RORA: variants seen among roughly 807,000 people sequenced by gnomAD.
The protein encoded by RORA is nuclear receptor ROR-alpha.
In RORA, 7 loss-of-function variants were observed where a neutral mutation model predicts 69.5. The observed-to-expected ratio is 0.10, with a 90% CI of 0.06 to 0.19. The LOEUF (loss-of-function observed/expected upper bound fraction) is 0.19, where lower values mean the gene tolerates loss of function less well. Among genes scored for constraint, RORA ranks in the 10% least tolerant of loss-of-function variants. The probability of loss-of-function intolerance (pLI) is 1.00; values close to 1 mark genes in which losing one functional copy is unlikely to be tolerated. For missense variants in RORA, 457 were observed against 663.0 expected (o/e 0.69, Z 3.41); for synonymous variants, 261 against 240.8 (o/e 1.08, Z -0.78).
intron 2 of RORA, among the ~76,000 whole-genome samples, chr15:60,570,993 G>A (rs2067863385): frequency 1.3e-5 from 2 of 152,136 alleles, no homozygotes. Flanking sequence ...TCTGTATCCT[G>A]CCTTGTATGC....
At chr15:60,915,622 T>G (rs1253191806) in intron 1 of RORA, among the ~76,000 whole-genome samples, 1 of 152,260 alleles carries the variant, frequency 6.6e-6, no homozygotes, top group East Asian at 1.9e-4. Flanking sequence ...AGAACTGAAT[T>G]CTTAATTTTA....
At chr15:60,730,612 A>G (rs2071417367) in intron 1 of RORA, among the ~76,000 whole-genome samples, 1 of 152,200 alleles carries the variant, frequency 6.6e-6, no homozygotes, top group South Asian at 2.1e-4. Flanking sequence ...TGTGCTTTAA[A>G]TATATGCTTA....
intron 1 of RORA, among the ~76,000 whole-genome samples, chr15:60,683,624 C>A (rs1306379476): frequency 7.0e-6 from 1 of 141,908 alleles, no homozygotes; most frequent in Non-Finnish European, 1.5e-5. Context: ...TGTAAGACTC[C>A]TTCTATTTTA....
Position 60,531,793 on chromosome 15 carries a change from A to G in RORA, c.255T>C (p.Tyr85=), listed in dbSNP as rs777876773. The part of the protein sequence containing the change: ...ICGDKSSGIH[Y]GVITCEGCKG... ...TGCAGCCTTCACATGTAATGACACC[A>G]TAATGGATTCCTGATGATTTGTCTC... Residue 85 remains tyrosine, a synonymous_variant, in exon 3 of 11, where the codon TAT becomes TAC. Coordinates refer to ENST00000335670, the MANE Select transcript of RORA (RefSeq NM_134261.3). This position sits in a 1 kb window ranked among gnomAD's most constrained non-coding sequence, Gnocchi z 4.8. 6.3e-7 allele frequency: 1 copy of G among 1,594,068 alleles called. No homozygotes were observed. Among genetic ancestry groups the G allele is most frequent in the Non-Finnish European group, 8.5e-7 (1 of 1,171,488 alleles).
At chr15:60,749,632 C>G (rs1330701818) in intron 1 of RORA, among the ~76,000 whole-genome samples, 1 of 152,184 alleles carries the variant, frequency 6.6e-6, no homozygotes, top group Non-Finnish European at 1.5e-5. Flanking sequence ...CACACTTAGA[C>G]ACTGTCTCCT....
chr15:61,029,175 G>A (rs577965821), intron 1 of RORA, among the ~76,000 whole-genome samples: 2 of 152,038 alleles, frequency 1.3e-5, no homozygotes, highest in South Asian at 4.2e-4. Context: ...ACACCAACCC[G>A]AACCAGATGG....
chr15:60,660,446 TTG>T (rs1453880865), intron 2 of RORA, among the ~76,000 whole-genome samples: 3 of 152,212 alleles, frequency 2.0e-5, no homozygotes, highest in Admixed American at 1.3e-4. Context: ...AGCTTTTATT[TTG>T]CCCATATAAA....
At chr15:60,568,405 C>G (rs948231277) in intron 2 of RORA, among the ~76,000 whole-genome samples, 1 of 152,218 alleles carries the variant, frequency 6.6e-6, no homozygotes, top group African/African-American at 2.4e-5. Flanking sequence ...TTTCTCTGCT[C>G]TCTACTGCTG....
At position 60,495,111 on chromosome 15, in the gene RORA, A is replaced by C. The variant is rs2065134678; in HGVS notation, c.*2344T>G. The C allele has an allele frequency of 6.6e-6, 1 of 152,200 alleles. No individual in the cohort carries two copies. The highest frequency in any genetic ancestry group is 1.9e-4 in the East Asian group (1 of 5,196). The allele number at this position is 152,200 out of a possible 1,614,324, so 9.4% of individuals were successfully genotyped here. ...AAACAAAACAAAACCAAAACCAAAA[A>C]ACTAAAACACAAAACTCAAACAAAA... On this transcript the variant is annotated 3_prime_UTR_variant, in exon 11 of 11. Transcript: ENST00000335670.
intron 1 of RORA, among the ~76,000 whole-genome samples, chr15:60,793,508 T>G (rs1361695899): frequency 6.6e-6 from 1 of 151,682 alleles, no homozygotes; most frequent in Non-Finnish European, 1.5e-5. Context: ...CAGATTCCCT[T>G]TCACATTTTC....
At chr15:61,186,536 G>A (rs918662273) in intron 1 of RORA, among the ~76,000 whole-genome samples, 2 of 149,650 alleles carry the variant, frequency 1.3e-5, no homozygotes, top group Non-Finnish European at 3.0e-5. Context: ...AGCTACTCAG[G>A]ATGTTGAGGC....
intron 1 of RORA, among the ~76,000 whole-genome samples, chr15:60,793,211 G>T (rs1238626336): frequency 2.6e-5 from 4 of 152,196 alleles, no homozygotes; most frequent in Non-Finnish European, 4.4e-5. Context: ...CTAAACTGGT[G>T]CAGTATGTTA....
chr15:60,835,854 T>A (rs1490543774), intron 1 of RORA, among the ~76,000 whole-genome samples: 1 of 152,246 alleles, frequency 6.6e-6, no homozygotes, highest in Non-Finnish European at 1.5e-5. Flanking sequence ...AAAATATTAT[T>A]AATTCACCTT....
At chr15:60,708,048 T>C (rs1476755773) in intron 1 of RORA, among the ~76,000 whole-genome samples, 2 of 152,334 alleles carry the variant, frequency 1.3e-5, no homozygotes, top group East Asian at 3.9e-4. Flanking sequence ...CCAAACTAAC[T>C]GTCACCTCCT....
chr15:60,846,454 G>A (rs2073266566), intron 1 of RORA, among the ~76,000 whole-genome samples: 1 of 152,124 alleles, frequency 6.6e-6, no homozygotes, highest in South Asian at 2.1e-4. Context: ...ATCTAGGAAG[G>A]ACTCATACTA....
chr15:61,008,131 T>TA (rs996195498), intron 1 of RORA, among the ~76,000 whole-genome samples: 45 of 151,372 alleles, frequency 3.0e-4, no homozygotes, highest in African/African-American at 8.5e-4. Flanking sequence ...AAACTTATGA[T>TA]AAAAAAAATT....
At chr15:60,586,164 TGGTGGTGAGA>T (rs2140500740) in intron 2 of RORA, among the ~76,000 whole-genome samples, 1 of 152,270 alleles carries the variant, frequency 6.6e-6, no homozygotes, top group East Asian at 1.9e-4. Flanking sequence ...TCACAAAGAC[TGGTGGTGAGA>T]GGTGCTAGAG....
chr15:61,228,293 C>T (rs2080166837), intron 1 of RORA, among the ~76,000 whole-genome samples: 1 of 151,972 alleles, frequency 6.6e-6, no homozygotes, highest in African/African-American at 2.4e-5. Flanking sequence ...GCGCACACGC[C>T]CCCCGCCAGC....
chr15:60,879,950 G>A (rs142318473), intron 1 of RORA, among the ~76,000 whole-genome samples: 2 of 152,106 alleles, frequency 1.3e-5, no homozygotes, highest in Non-Finnish European at 2.9e-5. Flanking sequence ...ATTGTCACTG[G>A]GTCACTAGAT....
Sources: gnomAD v4.1 joint callset for allele counts (sites outside exome capture counted in the v4.1 genomes callset) on GRCh38, gnomAD v4.1.1 for gene constraint, Gnocchi (gnomAD v3.1) non-coding constraint, MANE v1.5 for transcripts, NCBI Gene and HGNC (gene_info 2026-07-23, HGNC 2026-07-21) for gene names.